SCGN: variants seen among roughly 807,000 people sequenced by gnomAD.
SCGN encodes secretagogin, EF-hand calcium binding protein.
SCGN carries 30 observed loss-of-function variants against 39.7 expected under a neutral mutation model. That is an observed-to-expected ratio of 0.76 (90% CI 0.57 to 1.03). The LOEUF (loss-of-function observed/expected upper bound fraction) is 1.03. Among genes scored for constraint, SCGN ranks in the 50% least tolerant of loss-of-function variants. The pLI is 0.00. For synonymous variants in SCGN, 106 were observed against 114.1 expected, an observed-to-expected ratio of 0.93 and a Z score of 0.45; for missense variants, 353 against 349.4, an observed-to-expected ratio of 1.01 and a Z score of -0.08.
intron 2 of SCGN, 114 bp downstream of exon 2, chr6:25,653,566 G>A: frequency 5.4e-6 from 4 of 745,586 alleles, no homozygotes; most frequent in Non-Finnish European, 8.9e-6. Flanking sequence ...TTCCTTGCAT[G>A]TATGTAATTT....
chr6:25,657,464 A>G (rs1221094609), intron 2 of SCGN, among the ~76,000 whole-genome samples: 1 of 152,072 alleles, frequency 6.6e-6, no homozygotes, highest in Non-Finnish European at 1.5e-5. Flanking sequence ...AAGATAACAC[A>G]AGTGAAAGGT....
Position 25,691,092 on chromosome 6 carries a change from G to A in SCGN, c.670G>A (p.Gly224Arg). 6.2e-7 allele frequency: 1 copy of A among 1,613,870 alleles called. No homozygotes were observed. Residue 224 changes from glycine (G) to arginine (R), a missense_variant, in exon 10 of 11, where the codon GGG becomes AGG. By Grantham distance (125) the Gly-to-Arg change is moderately radical (BLOSUM62 -2). Coordinates refer to ENST00000377961, the MANE Select transcript of SCGN (RefSeq NM_006998.4). The stretch of plus-strand genomic sequence containing the variant: ...AGCCCTGGAAGGCCCAGAAGTGGAT[G>A]GGTTTGTCAAAGACATGATGGAGCT... ...TGALEGPEVD[G>R]FVKDMMELVQ...
Position 25,699,138 on chromosome 6 carries a change from T to C in SCGN, c.703-2069T>C, listed in dbSNP as rs2151384558. On this transcript the variant is annotated intron_variant, in intron 10 of 10. Coordinates refer to ENST00000377961, the MANE Select transcript of SCGN (RefSeq NM_006998.4). ...CAAACCTGCGGGTCGCTGCCTTCTC[T>C]ATTCACTCATAAAACTACTCCAGTA... is the stretch of plus-strand genomic sequence containing the variant. Among the ~76,000 whole-genome samples, 3 of 152,336 alleles carry C rather than the reference T, an allele frequency of 2.0e-5. No individual in the cohort carries two copies. The South Asian group carries it at 6.2e-4, about 32-fold the overall frequency.
intron 7 of SCGN, among the ~76,000 whole-genome samples, chr6:25,687,428 T>C (rs1759719505): frequency 6.6e-6 from 1 of 152,192 alleles, no homozygotes; most frequent in African/African-American, 2.4e-5. Flanking sequence ...AATATTTTAT[T>C]CTTTTTGATG....
At chr6:25,668,378 C>T (rs80112419) in intron 4 of SCGN, among the ~76,000 whole-genome samples, 2,739 of 152,222 alleles carry the variant, frequency 0.018, 36 homozygotes, top group Middle Eastern at 0.037. Flanking sequence ...GTCAGCTGTT[C>T]TGTGTTCTGG....
chr6:25,671,598 A>C (rs1407866528), intron 6 of SCGN, among the ~76,000 whole-genome samples: 1 of 152,236 alleles, frequency 6.6e-6, no homozygotes, highest in African/African-American at 2.4e-5. Context: ...ATAGCATGCA[A>C]AATGGTGTTG....
At chr6:25,670,678 G>C (rs1295151397) in intron 6 of SCGN, among the ~76,000 whole-genome samples, 2 of 152,216 alleles carry the variant, frequency 1.3e-5, no homozygotes, top group Non-Finnish European at 2.9e-5. Context: ...TAATGAGTTA[G>C]CTCTTATTGC....
intron 2 of SCGN, among the ~76,000 whole-genome samples, chr6:25,659,764 A>G (rs1454839398): frequency 6.6e-6 from 1 of 152,174 alleles, no homozygotes; most frequent in African/African-American, 2.4e-5. Context: ...CCTGGGTTTT[A>G]TGCCTGAGAG....
At chr6:25,696,130 A>T (rs1462013694) in intron 10 of SCGN, among the ~76,000 whole-genome samples, 1 of 152,166 alleles carries the variant, frequency 6.6e-6, no homozygotes, top group Non-Finnish European at 1.5e-5. Flanking sequence ...TTATTGATAG[A>T]TTCAGTAAAG....
At chr6:25,694,527 C>T (rs1419613944) in intron 10 of SCGN, among the ~76,000 whole-genome samples, 1 of 152,240 alleles carries the variant, frequency 6.6e-6, no homozygotes, top group African/African-American at 2.4e-5. Context: ...AGCACAAAGG[C>T]ACCTCTCAGT....
chr6:25,670,116 C>T (rs900011143), intron 6 of SCGN, 40 bp downstream of exon 6: 1 of 1,355,490 alleles, frequency 7.4e-7, no homozygotes, highest in Admixed American at 1.7e-5. Context: ...GGGCAGCTCC[C>T]CCACTCCCTC....
At chr6:25,681,893 A>G (rs746155332) in intron 6 of SCGN, 58 bp from the exon 7 acceptor site, 4 of 1,436,958 alleles carry the variant, frequency 2.8e-6, no homozygotes, top group Admixed American at 1.7e-5. Context: ...AAGTGCTTTA[A>G]TAACGTTCAG....
rs1239008435 is a variant in SCGN at position 25,665,137 on chromosome 6, A to AG, written c.336+106dup. ...CACTCCTGCCCAGTGCTCAAGGGAGAGCTGAGCACAGAGGATAAGACCAAG... is the reference window on the plus strand; with the variant it reads ...CACTCCTGCCCAGTGCTCAAGGGAGAGGCTGAGCACAGAGGATAAGACCAAG... On this transcript the variant is annotated intron_variant, in intron 4 of 10. Coordinates refer to ENST00000377961, the MANE Select transcript of SCGN (RefSeq NM_006998.4). 3 of 841,002 alleles carry AG rather than the reference A, an allele frequency of 3.6e-6. No individual in the cohort carries two copies. In the African/African-American group the frequency reaches 5.1e-5, roughly 14 times the overall value. The allele number at this position is 841,002 out of a possible 1,614,324, so 52.1% of individuals were successfully genotyped here.
chr6:25,691,236 G>A, intron 10 of SCGN, 112 bp downstream of exon 10: 1 of 784,264 alleles, frequency 1.3e-6, no homozygotes, highest in Non-Finnish European at 2.1e-6. Context: ...AAAATCTAGG[G>A]ATGTAGTTTA....
rs1447565796 is a variant in SCGN at position 25,682,575 on chromosome 6, G to T, written c.527+569G>T. Among the ~76,000 whole-genome samples, 4 of 152,204 alleles carry T rather than the reference G, an allele frequency of 2.6e-5. No individual in the cohort carries two copies. In the East Asian group the frequency reaches 7.7e-4, roughly 29 times the overall value. ...TCAGCATGTTTTGTCAAGTCTGGCT[G>T]ATCCCAAACAGCATGGAGTTGTCTA... On this transcript the variant is annotated intron_variant, in intron 7 of 10. Transcript: ENST00000377961.
At chr6:25,683,117 A>G (rs1344487658) in intron 7 of SCGN, among the ~76,000 whole-genome samples, 4 of 152,110 alleles carry the variant, frequency 2.6e-5, no homozygotes, top group African/African-American at 9.7e-5. Flanking sequence ...AACTTTGTCC[A>G]CATTGATATA....
At chr6:25,693,820 A>T (rs1759804743) in intron 10 of SCGN, among the ~76,000 whole-genome samples, 1 of 152,190 alleles carries the variant, frequency 6.6e-6, no homozygotes, top group African/African-American at 2.4e-5. Context: ...AAGAATTCGG[A>T]TTCTAGGCTG....
chr6:25,666,779 G>A (rs962675504), intron 4 of SCGN, among the ~76,000 whole-genome samples: 3 of 152,110 alleles, frequency 2.0e-5, no homozygotes, highest in Non-Finnish European at 2.9e-5. Context: ...ATAAAATATA[G>A]GTAAGAATAC....
In SCGN at chr6:25,654,422, A is replaced by G. The variant is rs916178979; in HGVS notation, c.153+970A>G. On this transcript the variant is annotated intron_variant, in intron 2 of 10. Transcript: ENST00000377961. ...CCCCCTCTACTTCTGTCTGCCTCTC[A>G]TATTCTGTCTGTCTCTCTTTTTTAT... 3.3e-5 allele frequency among the ~76,000 whole-genome samples: 5 copies of G among 151,886 alleles called. No homozygotes were observed. The East Asian group carries it at 9.6e-4, about 29-fold the overall frequency.
Sources: gnomAD v4.1 joint callset for allele counts (sites outside exome capture counted in the v4.1 genomes callset) on GRCh38, gnomAD v4.1.1 for gene constraint, MANE v1.5 for transcripts, NCBI Gene and HGNC (gene_info 2026-07-23, HGNC 2026-07-21) for gene names.